NT5DC3: variants seen among roughly 807,000 people sequenced by gnomAD.
NT5DC3 encodes the protein 5'-nucleotidase domain-containing protein 3.
In NT5DC3, 42 loss-of-function variants were observed where a neutral mutation model predicts 67.8. That is an observed-to-expected ratio of 0.62 (90% CI 0.48 to 0.80). The LOEUF (loss-of-function observed/expected upper bound fraction) is 0.80. Among genes scored for constraint, NT5DC3 ranks in the 30% least tolerant of loss-of-function variants. NT5DC3 has a pLI of 0.00. For synonymous variants in NT5DC3, 237 were observed against 255.6 expected (o/e 0.93, Z 0.69); for missense variants, 570 against 696.4 (o/e 0.82, Z 2.04).
At chr12:103,794,842 G>T (rs910153270) in intron 6 of NT5DC3, among the ~76,000 whole-genome samples, 1 of 152,244 alleles carries the variant, frequency 6.6e-6, no homozygotes, top group African/African-American at 2.4e-5. Context: ...GGAAGAGGAG[G>T]TGGTTAAACC....
chr12:103,835,441 T>G (rs547332020), intron 1 of NT5DC3, among the ~76,000 whole-genome samples: 258 of 152,256 alleles, frequency 1.7e-3, no homozygotes, highest in South Asian at 3.3e-3. Context: ...TAAAAAGACT[T>G]GGATATTATT....
intron 1 of NT5DC3, 48 bp downstream of exon 1, chr12:103,840,901 G>A: frequency 1.7e-6 from 2 of 1,180,346 alleles, no homozygotes; most frequent in Non-Finnish European, 2.2e-6. Context: ...CCAGCTGAGC[G>A]CGCAGGAGGG....
In NT5DC3 at chr12:103,793,247, A is replaced by G. The variant is rs779078320; in HGVS notation, c.936T>C (p.Tyr312=). The G allele has an allele frequency of 1.2e-6, 2 of 1,610,984 alleles. No individual in the cohort carries two copies. The highest frequency in any genetic ancestry group is 1.7e-5 in the Admixed American group (1 of 58,930). The change falls in exon 9 of 14, where the codon TAT becomes TAC. Residue 312 remains tyrosine, a synonymous_variant. Transcript: ENST00000392876. The part of the protein sequence containing the change: ...PSSFVDKGMS[Y]IVGKDWRDLF... ...GGTCCCTCCAGTCTTTCCCAACGAT[A>G]TAACTCATCCCTTTGTCCCTAGGGC...
chr12:103,786,681 A>AGTTTTTTTTTT (rs1885790938), intron 11 of NT5DC3, among the ~76,000 whole-genome samples: 1 of 132,366 alleles, frequency 7.6e-6, no homozygotes, highest in Admixed American at 8.0e-5. Flanking sequence ...CACTGGTTTG[A>AGTTTTTTTTTT]TTTTTTTTTT....
intron 9 of NT5DC3, among the ~76,000 whole-genome samples, chr12:103,792,780 G>A (rs1365412104): frequency 2.0e-5 from 3 of 152,160 alleles, no homozygotes; most frequent in Admixed American, 1.3e-4. Flanking sequence ...ACACTAATGA[G>A]AGCTCTATTT....
At chr12:103,778,447 T>C (rs10778285) in intron 13 of NT5DC3, among the ~76,000 whole-genome samples, 71,250 of 151,882 alleles carry the variant, frequency 0.47, 17,699 homozygotes, top group East Asian at 0.88. Flanking sequence ...ACAAGAATCA[T>C]TTGAACCAGG....
At chr12:103,766,495 G>C (rs1010675685), downstream of NT5DC3, 41 of 813,846 alleles carry the variant, frequency 5.0e-5, no homozygotes, top group Non-Finnish European at 7.2e-5. Context: ...CTGTGGGTGA[G>C]AGATGTGTTG....
chr12:103,755,258 C>T, the NT5DC3 span: 5 of 1,601,896 alleles, frequency 3.1e-6, no homozygotes, highest in Admixed American at 1.7e-5. Flanking sequence ...TGCCACAACA[C>T]ATGAACTTGC....
chr12:103,824,154 A>G (rs1421797639), intron 1 of NT5DC3, among the ~76,000 whole-genome samples: 1 of 152,246 alleles, frequency 6.6e-6, no homozygotes, highest in African/African-American at 2.4e-5. Context: ...TCTGCTAATA[A>G]TTCATTACAG....
the NT5DC3 span, chr12:103,761,239 C>G: frequency 3.9e-6 from 6 of 1,519,852 alleles, no homozygotes; most frequent in Non-Finnish European, 5.5e-6. Flanking sequence ...AACAACTTCC[C>G]TCCATGGAGG....
chr12:103,772,089 T>C (rs1158441367), downstream of NT5DC3, among the ~76,000 whole-genome samples: 1 of 152,132 alleles, frequency 6.6e-6, no homozygotes, highest in Non-Finnish European at 1.5e-5. Context: ...GAAGAAACCT[T>C]TGAGCTTTCC....
intron 9 of NT5DC3, 136 bp from the exon 10 acceptor site, chr12:103,789,055 T>A: frequency 1.5e-6 from 1 of 666,810 alleles, no homozygotes; most frequent in Non-Finnish European, 2.7e-6. Flanking sequence ...AACTCCACCA[T>A]CATATTCCCT....
rs67812943 is a variant in NT5DC3 at position 103,790,694 on chromosome 12, C to CTTT, written c.1020-1778_1020-1776dup. 2.4e-3 allele frequency among the ~76,000 whole-genome samples: 177 copies of CTTT among 74,416 alleles called. 1 individual carries two copies. The highest frequency in any genetic ancestry group is 3.0e-3 in the Non-Finnish European group (121 of 40,824). 48.8% of individuals were successfully genotyped at this position (74,416 alleles called of 152,430 possible). A position where few individuals can be genotyped will look rare whatever the true frequency, so the allele number is the denominator to read the frequency against. On this transcript the variant is annotated intron_variant, in intron 9 of 13. Coordinates refer to ENST00000392876, the MANE Select transcript of NT5DC3 (RefSeq NM_001031701.3). Reference sequence around the variant, plus strand: ...CCACGGCACCCCGGCCCAAGTACATCTTTTTTTTTTTTTTTTTTTTTTTTG... The same window carrying CTTT: ...CCACGGCACCCCGGCCCAAGTACATCTTTTTTTTTTTTTTTTTTTTTTTTTTTG...
chr12:103,776,240 C>T lies in NT5DC3; in HGVS notation c.*1589G>A, dbSNP rs1285727011. On this transcript the variant is annotated 3_prime_UTR_variant, in exon 14 of 14. Transcript: ENST00000392876. ...CCTCCAACAAAAGGAATACATGCCA[C>T]TTGCATTGCCCCTAGAAAGAAATGA... The T allele has an allele frequency of 6.6e-6, 1 of 152,172 alleles. No homozygotes were observed. The highest frequency in any genetic ancestry group is 1.5e-5 in the Non-Finnish European group (1 of 68,042). 9.4% of individuals were successfully genotyped at this position (152,172 alleles called of 1,614,324 possible).
intron 4 of NT5DC3, among the ~76,000 whole-genome samples, chr12:103,801,796 G>A (rs554844776): frequency 3.3e-5 from 5 of 152,304 alleles, no homozygotes; most frequent in South Asian, 4.1e-4. Flanking sequence ...GCTAAGAATG[G>A]AAATGGCCAC....
the NT5DC3 span, among the ~76,000 whole-genome samples, chr12:103,748,716 G>A: frequency 6.6e-6 from 1 of 151,752 alleles, no homozygotes; most frequent in Non-Finnish European, 1.5e-5. Context: ...AGTCAAGCCT[G>A]GAGGTATATG....
the NT5DC3 span, chr12:103,748,935 T>C: frequency 1.3e-6 from 2 of 1,598,738 alleles, no homozygotes; most frequent in Non-Finnish European, 1.7e-6. Flanking sequence ...AGGTGGTAAG[T>C]TGAGCCCTCT....
chr12:103,792,328 G>A (rs1319937713), intron 9 of NT5DC3, among the ~76,000 whole-genome samples: 1 of 152,184 alleles, frequency 6.6e-6, no homozygotes, highest in Admixed American at 6.5e-5. Flanking sequence ...ACTGGGACAA[G>A]AGGAATTTAA....
chr12:103,806,360 G>A lies in NT5DC3; in HGVS notation c.486C>T (p.Ile162=), dbSNP rs747134663. The A allele has an allele frequency of 5.2e-5, 83 of 1,602,602 alleles. 1 individual carries two copies. The Admixed American group carries it at 7.8e-4, about 15-fold the overall frequency. ...CCAGCTGGATATAATGAAAAGCATCGATCTTCATTAATACTGCCTTTAAAA... is the reference window on the plus strand; with the variant it reads ...CCAGCTGGATATAATGAAAAGCATCAATCTTCATTAATACTGCCTTTAAAA... ...YDVQRAVLMK[I]DAFHYIQLGT... The change falls in exon 4 of 14, where the codon ATC becomes ATT. Residue 162 remains isoleucine (I), a synonymous_variant. Transcript: ENST00000392876.
Sources: allele counts gnomAD v4.1 joint callset (sites outside exome capture counted in the v4.1 genomes callset), GRCh38; gene constraint gnomAD v4.1.1; transcripts MANE v1.5; gene names NCBI Gene and HGNC (gene_info 2026-07-23, HGNC 2026-07-21).